IMMP2L: variants seen among roughly 807,000 people sequenced by gnomAD.
IMMP2L encodes inner mitochondrial membrane peptidase subunit 2.
Under a neutral mutation model 19.3 loss-of-function variants are expected in IMMP2L, and 18 were observed. The ratio of observed to expected loss-of-function variants is 0.93; its 90% CI spans 0.64 to 1.38. The LOEUF (loss-of-function observed/expected upper bound fraction) is 1.38, where lower values mean the gene tolerates loss of function less well. IMMP2L is among the 40% of genes most tolerant of loss of function. The pLI, the probability that IMMP2L is intolerant of heterozygous loss-of-function variation, is 0.00. For missense variants in IMMP2L, 233 were observed against 218.2 expected (o/e 1.07, Z -0.43); for synonymous variants, 76 against 73.0 (o/e 1.04, Z -0.21).
intron 5 of IMMP2L, among the ~76,000 whole-genome samples, chr7:110,817,874 A>G (rs986891898): frequency 1.3e-5 from 2 of 152,154 alleles, no homozygotes; most frequent in African/African-American, 4.8e-5. Flanking sequence ...TGGATTTCCT[A>G]TTTAATAAAT....
rs117237441 is a variant in IMMP2L, at chr7:111,167,357, T to C, written c.240-203792A>G. On this transcript the variant is annotated intron_variant, in intron 3 of 5. Coordinates refer to ENST00000405709, the MANE Select transcript of IMMP2L (RefSeq NM_032549.4). Reference sequence around the variant, plus strand: ...GCTGACTCCACTCATCAACCACAAATCCAAAACATTTCTTTTTCACCATAA... The same window carrying C: ...GCTGACTCCACTCATCAACCACAAACCCAAAACATTTCTTTTTCACCATAA... Among the ~76,000 whole-genome samples the C allele has an allele frequency of 5.7e-3, 869 of 151,966 alleles. 7 individuals carry two copies. The highest frequency in any genetic ancestry group is 0.027 in the Middle Eastern group (8 of 294).
intron 1 of IMMP2L, among the ~76,000 whole-genome samples, chr7:111,534,748 G>C (rs1007278044): frequency 2.0e-5 from 3 of 152,142 alleles, no homozygotes; most frequent in African/African-American, 7.2e-5. Flanking sequence ...TGAAGGTTTT[G>C]ATTCAACCAA....
chr7:110,820,984 T>G, intron 5 of IMMP2L, among the ~76,000 whole-genome samples: 1 of 152,124 alleles, frequency 6.6e-6, no homozygotes, highest in Non-Finnish European at 1.5e-5. Context: ...CTGTCTCTGA[T>G]GATGATTGTA....
intron 5 of IMMP2L, among the ~76,000 whole-genome samples, chr7:110,745,932 C>T (rs987482445): frequency 6.6e-6 from 1 of 152,158 alleles, no homozygotes; most frequent in African/African-American, 2.4e-5. Context: ...GGGCTAAATG[C>T]TCCAATTAAA....
At chr7:111,295,691 C>G (rs912005320) in intron 3 of IMMP2L, among the ~76,000 whole-genome samples, 9 of 151,800 alleles carry the variant, frequency 5.9e-5, no homozygotes, top group African/African-American at 2.2e-4. Context: ...AACCATTGTA[C>G]TACCATTTTA....
intron 3 of IMMP2L, among the ~76,000 whole-genome samples, chr7:111,215,990 C>T (rs940632801): frequency 6.6e-6 from 1 of 152,136 alleles, no homozygotes; most frequent in Non-Finnish European, 1.5e-5. Context: ...GAAATTCATA[C>T]TTGTTAAGTC....
At chr7:110,830,708 T>C (rs113667166) in intron 5 of IMMP2L, among the ~76,000 whole-genome samples, 11 of 152,156 alleles carry the variant, frequency 7.2e-5, no homozygotes, top group African/African-American at 2.4e-4. Flanking sequence ...CCCTACTGTT[T>C]ATAATGTCAG....
intron 3 of IMMP2L, among the ~76,000 whole-genome samples, chr7:111,063,460 A>G (rs1390284487): frequency 6.6e-6 from 1 of 151,784 alleles, no homozygotes; most frequent in Admixed American, 6.6e-5. Context: ...CATTTTCCCT[A>G]TTTTCTTGGG....
chr7:111,001,836 T>C (rs558351349), intron 3 of IMMP2L, among the ~76,000 whole-genome samples: 24 of 152,016 alleles, frequency 1.6e-4, no homozygotes, highest in Admixed American at 9.2e-4. Flanking sequence ...TCAAGAAAAA[T>C]AGACATACAA....
chr7:110,997,715 CT>C (rs1207752881), intron 3 of IMMP2L, among the ~76,000 whole-genome samples: 1 of 151,898 alleles, frequency 6.6e-6, no homozygotes. Flanking sequence ...CTGTTTGCTT[CT>C]TTACTGCTGA....
At chr7:111,554,059 T>C (rs2133121356) in intron 1 of IMMP2L, among the ~76,000 whole-genome samples, 1 of 152,296 alleles carries the variant, frequency 6.6e-6, no homozygotes, top group East Asian at 1.9e-4. Context: ...TCTACAATTT[T>C]TTAGCTCCAA....
intron 3 of IMMP2L, among the ~76,000 whole-genome samples, chr7:111,268,915 T>C (rs1332407286): frequency 1.3e-5 from 2 of 152,104 alleles, no homozygotes; most frequent in South Asian, 4.1e-4. Flanking sequence ...CAGATTTCTA[T>C]ACAAACTATT....
chr7:111,314,673 C>T (rs759230507), intron 3 of IMMP2L, among the ~76,000 whole-genome samples: 6 of 152,108 alleles, frequency 3.9e-5, no homozygotes, highest in Admixed American at 6.6e-5. Flanking sequence ...TCTCCTCCTC[C>T]TTCTCTATGC....
chr7:111,065,669 A>G (rs1230892417), intron 3 of IMMP2L, among the ~76,000 whole-genome samples: 2 of 152,188 alleles, frequency 1.3e-5, no homozygotes, highest in Non-Finnish European at 2.9e-5. Flanking sequence ...CCCAGCCTAC[A>G]TCTTTCTCCT....
intron 4 of IMMP2L, among the ~76,000 whole-genome samples, chr7:110,906,517 A>G (rs181208638): frequency 2.7e-4 from 41 of 152,308 alleles, no homozygotes; most frequent in African/African-American, 9.9e-4. Context: ...GGAAAAGAGA[A>G]CCAAATGTGC....
intron 1 of IMMP2L, among the ~76,000 whole-genome samples, chr7:111,553,912 CTT>C (rs1320784437): frequency 6.6e-6 from 1 of 152,156 alleles, no homozygotes; most frequent in Non-Finnish European, 1.5e-5. Context: ...CAAATCTCCT[CTT>C]TTGAGCCATA....
At chr7:110,744,169 C>T (rs1013842158) in intron 5 of IMMP2L, among the ~76,000 whole-genome samples, 3 of 152,136 alleles carry the variant, frequency 2.0e-5, no homozygotes, top group Non-Finnish European at 4.4e-5. Flanking sequence ...GGAGCCCACC[C>T]CAGCTCAGAA....
intron 3 of IMMP2L, among the ~76,000 whole-genome samples, chr7:111,468,906 C>A (rs953672972): frequency 2.3e-4 from 35 of 151,864 alleles, no homozygotes; most frequent in African/African-American, 8.0e-4. Context: ...AAAATAGTAA[C>A]CAGAAGAAGA....
intron 5 of IMMP2L, among the ~76,000 whole-genome samples, chr7:110,837,442 T>C (rs1292462992): frequency 6.6e-6 from 1 of 152,064 alleles, no homozygotes; most frequent in East Asian, 1.9e-4. Context: ...TGCAAAAATG[T>C]ATGTATGTGT....
Sources: gnomAD v4.1 joint callset for allele counts (sites outside exome capture counted in the v4.1 genomes callset) on GRCh38, gnomAD v4.1.1 for gene constraint, MANE v1.5 for transcripts, NCBI Gene and HGNC (gene_info 2026-07-23, HGNC 2026-07-21) for gene names.